Variants in SEC24B observed in about 807,000 individuals in gnomAD.
The protein encoded by SEC24B is protein transport protein Sec24B.
A neutral mutation model predicts 142.8 loss-of-function variants in SEC24B; 45 were observed. The observed-to-expected ratio is 0.32, with a 90% CI of 0.25 to 0.40. SEC24B has a LOEUF of 0.40. Among genes scored for constraint, SEC24B ranks in the 10% least tolerant of loss-of-function variants. The probability of loss-of-function intolerance (pLI) is 1.00; values close to 1 mark genes in which losing one functional copy is unlikely to be tolerated. For missense variants in SEC24B, 1,409 were observed against 1,526.8 expected, an observed-to-expected ratio of 0.92 and a Z score of 1.29; for synonymous variants, 574 against 568.2, an observed-to-expected ratio of 1.01 and a Z score of -0.15.
chr4:109,502,930 T>C (rs951035254), intron 6 of SEC24B, among the ~76,000 whole-genome samples: 6 of 152,210 alleles, frequency 3.9e-5, no homozygotes, highest in African/African-American at 1.4e-4. Context: ...CTGCAATAAG[T>C]GTAAACCTTT....
At chr4:109,494,920 G>A (rs558967583) in intron 6 of SEC24B, 64 bp downstream of exon 6, 50 of 1,581,886 alleles carry the variant, frequency 3.2e-5, no homozygotes, top group Non-Finnish European at 4.0e-5. Context: ...CAAGTTACTG[G>A]TGGGATTTGT....
At chr4:109,471,480 C>G (rs975640235) in intron 2 of SEC24B, among the ~76,000 whole-genome samples, 3 of 152,140 alleles carry the variant, frequency 2.0e-5, no homozygotes, top group Non-Finnish European at 2.9e-5. Flanking sequence ...TCAGTTTTTA[C>G]TTGGATACTG....
Position 109,463,025 on chromosome 4 carries a change from G to C in SEC24B, c.258G>C (p.Gln86His). Reference sequence around the variant, plus strand: ...TGACCTCATTGCCATTGGATACCCAGTGTGGTGATTACTACTCTGCTCTCT... The same window carrying C: ...TGACCTCATTGCCATTGGATACCCACTGTGGTGATTACTACTCTGCTCTCT... Reference protein sequence around the residue: ...GKMTSLPLDTQCGDYYSALYT... With the variant: ...GKMTSLPLDTHCGDYYSALYT... The change falls in exon 2 of 24, where the codon CAG becomes CAC. Residue 86 changes from glutamine (Q) to histidine (H), a missense_variant. This residue lies in a region of SEC24B where 709 missense variants were observed against 673.5 expected (regional missense o/e 1.05). Transcript: ENST00000265175. 1 of 1,614,140 alleles carries C rather than the reference G, an allele frequency of 6.2e-7. No homozygotes were observed. The highest frequency in any genetic ancestry group is 8.5e-7 in the Non-Finnish European group (1 of 1,180,004).
At chr4:109,472,504 GCAGTTTA>G (rs1447589330) in intron 2 of SEC24B, among the ~76,000 whole-genome samples, 1 of 152,138 alleles carries the variant, frequency 6.6e-6, no homozygotes, top group African/African-American at 2.4e-5. Context: ...ATGAGAAGTA[GCAGTTTA>G]CAGTGCAAAA....
intron 1 of SEC24B, among the ~76,000 whole-genome samples, chr4:109,437,017 A>C (rs185713676): frequency 6.6e-6 from 1 of 152,348 alleles, no homozygotes; most frequent in African/African-American, 2.4e-5. Flanking sequence ...TAGAAACTCC[A>C]GTTTGTAACT....
rs373950177 is a variant in SEC24B at position 109,526,189 on chromosome 4, T to C, written c.2792-37T>C. The C allele has an allele frequency of 1.0e-4, 161 of 1,593,016 alleles. No individual in the cohort carries two copies. The East Asian group carries it at 3.1e-3, about 31-fold the overall frequency. ...ACTTTAGCTTGAGGTGAAGATACTATTGTTAACTTGATTTTTTATGATTTT... is the reference window on the plus strand; with the variant it reads ...ACTTTAGCTTGAGGTGAAGATACTACTGTTAACTTGATTTTTTATGATTTT... On this transcript the variant is annotated intron_variant, in intron 16 of 23. Transcript: ENST00000265175.
intron 2 of SEC24B, among the ~76,000 whole-genome samples, chr4:109,471,751 C>T (rs1313399283): frequency 6.6e-6 from 1 of 152,060 alleles, no homozygotes; most frequent in Non-Finnish European, 1.5e-5. Flanking sequence ...TTTTTCTGTA[C>T]GTGGCTAGAC....
At chr4:109,436,508 A>G (rs748460795) in intron 1 of SEC24B, among the ~76,000 whole-genome samples, 1 of 152,250 alleles carries the variant, frequency 6.6e-6, no homozygotes, top group Non-Finnish European at 1.5e-5. Flanking sequence ...GTGGTGTGAT[A>G]TGAAATACGT....
At chr4:109,501,773 G>A (rs1168734754) in intron 6 of SEC24B, among the ~76,000 whole-genome samples, 2 of 152,182 alleles carry the variant, frequency 1.3e-5, no homozygotes, top group East Asian at 1.9e-4. Flanking sequence ...CATCCGGCCA[G>A]CATTTAATTC....
intron 1 of SEC24B, chr4:109,449,527 C>A (rs1162985905): frequency 6.6e-6 from 3 of 455,626 alleles, no homozygotes; most frequent in South Asian, 4.7e-5. Flanking sequence ...CCACTACGCC[C>A]AGACATTTAT....
chr4:109,504,187 G>A (rs1736458937), intron 6 of SEC24B, among the ~76,000 whole-genome samples: 1 of 152,078 alleles, frequency 6.6e-6, no homozygotes, highest in South Asian at 2.1e-4. Flanking sequence ...TTTAAAATTA[G>A]GGAGGTGGAC....
chr4:109,447,265 T>A (rs1729565576), intron 1 of SEC24B, among the ~76,000 whole-genome samples: 1 of 152,156 alleles, frequency 6.6e-6, no homozygotes, highest in African/African-American at 2.4e-5. Context: ...AGCCTTTTCA[T>A]ACTCATGGCT....
chr4:109,499,487 T>A (rs1039167182), intron 6 of SEC24B, among the ~76,000 whole-genome samples: 3 of 151,938 alleles, frequency 2.0e-5, no homozygotes, highest in Middle Eastern at 3.4e-3. Context: ...AAAAAAAAAA[T>A]CCTTGTGTGT....
chr4:109,496,476 CCTTAT>C (rs1561136389), intron 6 of SEC24B, among the ~76,000 whole-genome samples: 145 of 152,182 alleles, frequency 9.5e-4, no homozygotes, highest in African/African-American at 3.0e-3. Flanking sequence ...AGTTGACTAA[CCTTAT>C]AGAAATTTTA....
In SEC24B at chr4:109,521,111, C is replaced by T. The variant is rs1561171472; in HGVS notation, c.2246-6C>T. On this transcript the variant is annotated splice_polypyrimidine_tract_variant and splice_region_variant and intron_variant, in intron 12 of 23. Coordinates refer to ENST00000265175, the MANE Select transcript of SEC24B (RefSeq NM_006323.5). ...TTGTTGATTAAAATATGTGTTTTCC[C>T]TATAGATGTTTTTCTACCTACACCG... 1.3e-6 allele frequency: 2 copies of T among 1,484,954 alleles called. No individual in the cohort carries two copies. Among genetic ancestry groups the T allele is most frequent in the Non-Finnish European group, 9.4e-7 (1 of 1,068,358 alleles). 92.0% of individuals were successfully genotyped at this position (1,484,954 alleles called of 1,614,324 possible).
At chr4:109,517,764 T>A (rs532375439) in intron 11 of SEC24B, among the ~76,000 whole-genome samples, 8 of 152,222 alleles carry the variant, frequency 5.3e-5, no homozygotes, top group African/African-American at 1.9e-4. Context: ...TAAAAGGATT[T>A]TTTTAAAAAG....
intron 1 of SEC24B, among the ~76,000 whole-genome samples, chr4:109,451,489 T>C (rs887192141): frequency 6.6e-6 from 1 of 152,108 alleles, no homozygotes; most frequent in Admixed American, 6.5e-5. Flanking sequence ...CTTTTGTTGC[T>C]CAGATTATTG....
intron 6 of SEC24B, among the ~76,000 whole-genome samples, chr4:109,495,331 T>G (rs1735429494): frequency 1.3e-5 from 2 of 152,180 alleles, no homozygotes; most frequent in Non-Finnish European, 2.9e-5. Flanking sequence ...ATAAATATGC[T>G]CATAGGCTCA....
chr4:109,509,844 A>G (rs1737135285), intron 7 of SEC24B, among the ~76,000 whole-genome samples, 165 bp from the exon 8 acceptor site: 1 of 152,146 alleles, frequency 6.6e-6, no homozygotes, highest in African/African-American at 2.4e-5. Flanking sequence ...TTTTTGACAT[A>G]TATTGCATAC....
Sources: allele counts gnomAD v4.1 joint callset (sites outside exome capture counted in the v4.1 genomes callset), GRCh38; gene constraint gnomAD v4.1.1; regional missense constraint gnomAD v4.1.1; transcripts MANE v1.5; gene names NCBI Gene and HGNC (gene_info 2026-07-23, HGNC 2026-07-21).